WWC2: variants seen among roughly 807,000 people sequenced by gnomAD.
The protein encoded by WWC2 is protein WWC2.
A neutral mutation model predicts 138.5 loss-of-function variants in WWC2; 101 were observed. The observed-to-expected ratio is 0.73, with a 90% CI of 0.62 to 0.86. WWC2 has a LOEUF of 0.86. Among genes scored for constraint, WWC2 ranks in the 40% least tolerant of loss-of-function variants. The pLI is 0.00. For synonymous variants in WWC2, 558 were observed against 538.4 expected, an observed-to-expected ratio of 1.04 and a Z score of -0.50; for missense variants, 1,420 against 1,419.4, an observed-to-expected ratio of 1.00 and a Z score of -0.01.
At chr4:183,265,152 C>T (rs766945539) in intron 12 of WWC2, 45 bp downstream of exon 12, 20 of 1,573,066 alleles carry the variant, frequency 1.3e-5, no homozygotes, top group East Asian at 6.8e-5. Context: ...GAATCTCCAT[C>T]GCCGTGGATG....
In WWC2 at chr4:183,281,038, C is replaced by T. The variant is rs574578702; in HGVS notation, c.2684+141C>T. On this transcript the variant is annotated intron_variant, in intron 17 of 22. Transcript: ENST00000403733. ...TTCAGGAAGCTGTGCTAGGAAAAGT[C>T]TTTCCTTGGTCATTAGAGAGTTAAG... is the stretch of plus-strand genomic sequence containing the variant. 10 of 1,250,420 alleles carry T rather than the reference C, an allele frequency of 8.0e-6. No homozygotes were observed. The South Asian group carries it at 1.9e-4, about 24-fold the overall frequency. 77.5% of individuals were successfully genotyped at this position (1,250,420 alleles called of 1,614,324 possible).
intron 5 of WWC2, among the ~76,000 whole-genome samples, chr4:183,240,899 G>A (rs1276999383): frequency 1.3e-5 from 2 of 152,202 alleles, no homozygotes; most frequent in African/African-American, 2.4e-5. Flanking sequence ...GTGACAGAGG[G>A]TCACAGGATG....
intron 1 of WWC2, among the ~76,000 whole-genome samples, chr4:183,176,210 T>G (rs115128977): frequency 1.2e-3 from 179 of 152,314 alleles, no homozygotes; most frequent in Non-Finnish European, 2.2e-3. Context: ...ATGTAAGCTA[T>G]AAAAATTCAA....
intron 2 of WWC2, among the ~76,000 whole-genome samples, chr4:183,207,091 G>A (rs749361197): frequency 4.6e-5 from 7 of 152,300 alleles, no homozygotes; most frequent in Non-Finnish European, 8.8e-5. Context: ...TGCTGTTGCA[G>A]AACACTGGTT....
At chr4:183,258,819 T>C (rs1051878042) in intron 9 of WWC2, among the ~76,000 whole-genome samples, 2 of 151,976 alleles carry the variant, frequency 1.3e-5, no homozygotes, top group Admixed American at 6.5e-5. Flanking sequence ...TGCTTACTGC[T>C]CTGAACTACT....
At position 183,315,779 on chromosome 4, in the gene WWC2, G is replaced by A; in HGVS notation, c.*50G>A. The A allele has an allele frequency of 6.8e-7, 1 of 1,459,916 alleles. No homozygotes were observed. Among genetic ancestry groups the A allele is most frequent in the Admixed American group, 2.0e-5 (1 of 49,442 alleles). The allele number at this position is 1,459,916 out of a possible 1,614,324, so 90.4% of individuals were successfully genotyped here. On this transcript the variant is annotated 3_prime_UTR_variant, in exon 23 of 23. Transcript: ENST00000403733. The stretch of plus-strand genomic sequence containing the variant: ...TTCATCTGTTCACTTTCTTAGGGAG[G>A]GTAAAAGACTGAAGATTTGTGTTTT...
chr4:183,099,912 C>T (rs1484565905), intron 1 of WWC2, among the ~76,000 whole-genome samples: 6 of 152,218 alleles, frequency 3.9e-5, no homozygotes, highest in Non-Finnish European at 1.5e-5. Flanking sequence ...GCCACCTGAG[C>T]CCTGTTAGGA....
chr4:183,211,510 C>G (rs1192940113), intron 4 of WWC2, among the ~76,000 whole-genome samples: 1 of 152,168 alleles, frequency 6.6e-6, no homozygotes, highest in Admixed American at 6.5e-5. Flanking sequence ...TTTGAGCTGA[C>G]TGTAGCCTGG....
intron 1 of WWC2, among the ~76,000 whole-genome samples, chr4:183,170,917 T>A (rs1340385293): frequency 6.6e-6 from 1 of 152,136 alleles, no homozygotes; most frequent in Non-Finnish European, 1.5e-5. Context: ...GAGCTTCAAG[T>A]GATCCTCCTG....
chr4:183,284,738 C>G (rs922530429), intron 19 of WWC2, among the ~76,000 whole-genome samples: 11 of 152,100 alleles, frequency 7.2e-5, no homozygotes, highest in East Asian at 1.9e-4. Context: ...TATTTCTGTT[C>G]TATATCATAT....
intron 11 of WWC2, among the ~76,000 whole-genome samples, chr4:183,262,461 A>G (rs1446545925): frequency 6.6e-6 from 1 of 152,204 alleles, no homozygotes; most frequent in Non-Finnish European, 1.5e-5. Context: ...GTATGGTCCT[A>G]AGAATTCTGA....
At chr4:183,286,524 G>C (rs1414808807) in intron 20 of WWC2, among the ~76,000 whole-genome samples, 1 of 152,148 alleles carries the variant, frequency 6.6e-6, no homozygotes, top group Non-Finnish European at 1.5e-5. Flanking sequence ...ACTCATGTGG[G>C]TGGGCAGCTC....
intron 1 of WWC2, among the ~76,000 whole-genome samples, chr4:183,134,271 C>T (rs1733042859): frequency 6.7e-6 from 1 of 150,228 alleles, no homozygotes; most frequent in South Asian, 2.1e-4. Context: ...TCATTATTTT[C>T]TGTGCCTATT....
chr4:183,109,861 T>G (rs76726022), intron 1 of WWC2, among the ~76,000 whole-genome samples: 1 of 152,192 alleles, frequency 6.6e-6, no homozygotes, highest in African/African-American at 2.4e-5. Context: ...CTTTTTTTTT[T>G]GTTTTTAAAA....
chr4:183,292,607 T>TAA (rs36085370), intron 21 of WWC2, among the ~76,000 whole-genome samples: 5 of 145,722 alleles, frequency 3.4e-5, no homozygotes, highest in South Asian at 2.2e-4. Context: ...TATAACTCTT[T>TAA]AAAAAAAAAA....
intron 11 of WWC2, among the ~76,000 whole-genome samples, chr4:183,262,775 TGTGCGTGC>T (rs533691294): frequency 1.3e-5 from 2 of 152,040 alleles, no homozygotes; most frequent in African/African-American, 2.4e-5. Flanking sequence ...GTACGGTGTG[TGTGCGTGC>T]GTGCGTGCGT....
chr4:183,200,805 C>A (rs1170888934), intron 2 of WWC2, among the ~76,000 whole-genome samples: 1 of 152,182 alleles, frequency 6.6e-6, no homozygotes, highest in East Asian at 1.9e-4. Flanking sequence ...AGAGAGTGAG[C>A]AGGACAACAG....
At chr4:183,312,200 T>G (rs1739273414) in intron 21 of WWC2, 141 bp from the exon 22 acceptor site, 1 of 1,061,036 alleles carries the variant, frequency 9.4e-7, no homozygotes, top group African/African-American at 1.6e-5. Flanking sequence ...TCCTGATGGG[T>G]GATAAAAAGG....
chr4:183,150,659 C>G (rs1289435151), intron 1 of WWC2, among the ~76,000 whole-genome samples: 8 of 152,170 alleles, frequency 5.3e-5, no homozygotes, highest in African/African-American at 1.9e-4. Flanking sequence ...AAGTATTTCT[C>G]CTAATGCTAT....
Sources: allele counts gnomAD v4.1 joint callset (sites outside exome capture counted in the v4.1 genomes callset), GRCh38; gene constraint gnomAD v4.1.1; transcripts MANE v1.5; gene names NCBI Gene and HGNC (gene_info 2026-07-23, HGNC 2026-07-21).